The following ROBO2 variants were observed in gnomAD, a reference collection of about 807,000 sequenced individuals.
The protein encoded by ROBO2 is roundabout guidance receptor 2.
In ROBO2, 53 loss-of-function variants were observed where a neutral mutation model predicts 160.8. The observed-to-expected ratio is 0.33, with a 90% CI of 0.26 to 0.41. The LOEUF is 0.41. Among genes scored for constraint, ROBO2 ranks in the 10% least tolerant of loss-of-function variants. The pLI is 1.00. For missense variants in ROBO2, 1,577 were observed against 1,722.4 expected (o/e 0.92, Z 1.49); for synonymous variants, 664 against 611.7 (o/e 1.09, Z -1.26).
At chr3:76,930,462 A>T (rs1426041601) in intron 2 of ROBO2, among the ~76,000 whole-genome samples, 1 of 152,064 alleles carries the variant, frequency 6.6e-6, no homozygotes, top group African/African-American at 2.4e-5. Context: ...CATTTTCCCT[A>T]CTTATTTTTT....
chr3:77,040,906 A>G (rs916713997), intron 1 of ROBO2, 60 bp downstream of exon 1: 15 of 1,553,192 alleles, frequency 9.7e-6, no homozygotes, highest in Non-Finnish European at 1.3e-5. Flanking sequence ...CCCCAAAACC[A>G]TTTCTTTTTG....
At chr3:77,435,805 G>A (rs2079218469) in intron 2 of ROBO2, among the ~76,000 whole-genome samples, 1 of 151,652 alleles carries the variant, frequency 6.6e-6, no homozygotes, top group African/African-American at 2.4e-5. Context: ...GATTATTGGA[G>A]ATCATGAAAT....
At chr3:76,954,250 G>A (rs2079116908) in intron 2 of ROBO2, among the ~76,000 whole-genome samples, 1 of 152,116 alleles carries the variant, frequency 6.6e-6, no homozygotes, top group Non-Finnish European at 1.5e-5. Flanking sequence ...ATATTTAGAT[G>A]TCCCAATAGG....
intron 2 of ROBO2, among the ~76,000 whole-genome samples, chr3:76,304,794 CTTTCTCTTTCTTTT>C (rs2071253498): frequency 2.6e-5 from 3 of 116,966 alleles, no homozygotes; most frequent in South Asian, 2.6e-4. Context: ...TTCTTTCTTT[CTTTCTCTTTCTTTT>C]TTTTTGTCTG....
chr3:76,478,680 G>GTTGTT (rs2079059652), intron 2 of ROBO2, among the ~76,000 whole-genome samples: 2 of 120,928 alleles, frequency 1.7e-5, no homozygotes, highest in African/African-American at 6.2e-5. Flanking sequence ...TTTTTTCTCT[G>GTTGTT]TTTTTTTTTT....
At chr3:76,856,504 C>G (rs564023085) in intron 2 of ROBO2, among the ~76,000 whole-genome samples, 5 of 152,194 alleles carry the variant, frequency 3.3e-5, no homozygotes, top group African/African-American at 1.2e-4. Context: ...CAGTATAGTC[C>G]TCATGTTGTA....
chr3:77,144,100 C>G (rs1481453082), intron 2 of ROBO2, among the ~76,000 whole-genome samples: 2 of 152,160 alleles, frequency 1.3e-5, no homozygotes, highest in African/African-American at 4.8e-5. Flanking sequence ...TCAGAAAATG[C>G]CTTTTCTGCA....
intron 2 of ROBO2, among the ~76,000 whole-genome samples, chr3:76,307,687 G>T (rs2071392961): frequency 6.6e-6 from 1 of 151,922 alleles, no homozygotes; most frequent in Non-Finnish European, 1.5e-5. Context: ...TAAAAGAGAA[G>T]AATAACAAAA....
intron 2 of ROBO2, among the ~76,000 whole-genome samples, chr3:76,487,710 A>T (rs1158750039): frequency 6.6e-6 from 1 of 152,146 alleles, no homozygotes; most frequent in Non-Finnish European, 1.5e-5. Flanking sequence ...CTCATCAGAG[A>T]CTCATCAGAT....
chr3:77,648,941 A>C lies in ROBO2; in HGVS notation c.*2886A>C, dbSNP rs886058891. The C allele has an allele frequency of 3.9e-5, 6 of 152,192 alleles. No individual in the cohort carries two copies. The highest frequency in any genetic ancestry group is 1.4e-4 in the African/African-American group (6 of 41,450). 9.4% of individuals were successfully genotyped at this position (152,192 alleles called of 1,614,324 possible). A position where few individuals can be genotyped will look rare whatever the true frequency, so the allele number is the denominator to read the frequency against. On this transcript the variant is annotated 3_prime_UTR_variant, in exon 26 of 26. Coordinates refer to ENST00000461745, the Ensembl canonical transcript of ROBO2. ...GCACTCATAGGCAATGCTGCAATGC[A>C]ATCATGTCCAATACAAGCACAGCTT...
At chr3:76,229,392 G>T (rs1055955707) in intron 2 of ROBO2, among the ~76,000 whole-genome samples, 7 of 142,362 alleles carry the variant, frequency 4.9e-5, no homozygotes, top group Non-Finnish European at 1.1e-4. Context: ...TAATTTAGCT[G>T]ATTTTCTATT....
chr3:76,392,378 T>G (rs752305413), intron 2 of ROBO2, among the ~76,000 whole-genome samples: 123 of 152,216 alleles, frequency 8.1e-4, no homozygotes, highest in Non-Finnish European at 1.6e-3. Context: ...TCATGAATTG[T>G]ACAGTTCAGA....
At chr3:77,516,339 T>A (rs1358883728) in intron 5 of ROBO2, among the ~76,000 whole-genome samples, 2 of 151,590 alleles carry the variant, frequency 1.3e-5, no homozygotes, top group African/African-American at 2.4e-5. Flanking sequence ...CTACCAGAAT[T>A]GTTAAAAGTA....
intron 2 of ROBO2, among the ~76,000 whole-genome samples, chr3:76,629,215 C>T (rs1424742642): frequency 6.6e-6 from 1 of 152,160 alleles, no homozygotes; most frequent in African/African-American, 2.4e-5. Flanking sequence ...TAAATCCACC[C>T]AAAATCCACA....
chr3:77,184,985 T>C (rs542919648), intron 2 of ROBO2, among the ~76,000 whole-genome samples: 1 of 152,136 alleles, frequency 6.6e-6, no homozygotes, highest in South Asian at 2.1e-4. Flanking sequence ...AATTTCAGCT[T>C]GAAATAGCTA....
At chr3:77,104,525 A>G (rs187212091) in intron 2 of ROBO2, among the ~76,000 whole-genome samples, 49 of 152,238 alleles carry the variant, frequency 3.2e-4, no homozygotes, top group Admixed American at 1.6e-3. Flanking sequence ...CAATGTTGCT[A>G]TGGAAATTTT....
intron 2 of ROBO2, among the ~76,000 whole-genome samples, chr3:76,678,043 C>G (rs1575898503): frequency 1.5e-5 from 2 of 133,842 alleles, no homozygotes; most frequent in East Asian, 5.2e-4. Flanking sequence ...TGATCTCAGC[C>G]TACTGCAAAC....
chr3:77,040,595 G>C, exon 1 of ROBO2: 3 of 1,444,822 alleles, frequency 2.1e-6, no homozygotes, highest in Non-Finnish European at 2.7e-6. Context: ...AATTTGGATG[G>C]ATCTCAGTGT....
chr3:76,073,924 G>C (rs2068558075), intron 2 of ROBO2, among the ~76,000 whole-genome samples: 1 of 152,180 alleles, frequency 6.6e-6, no homozygotes, highest in South Asian at 2.1e-4. Flanking sequence ...TGTCTCTGTG[G>C]GGCCCGTGTG....
Sources: allele counts gnomAD v4.1 joint callset (sites outside exome capture counted in the v4.1 genomes callset), GRCh38; gene constraint gnomAD v4.1.1; transcripts MANE v1.5; gene names NCBI Gene and HGNC (gene_info 2026-07-23, HGNC 2026-07-21).